The following PLXDC1 variants were observed in gnomAD, a reference collection of about 807,000 sequenced individuals.
PLXDC1 encodes plexin domain containing 1.
In PLXDC1, 39 loss-of-function variants were observed where a neutral mutation model predicts 61.3. The observed-to-expected ratio is 0.64, with a 90% confidence interval of 0.49 to 0.83. The LOEUF is 0.83. Ranked by LOEUF, PLXDC1 falls within the 40% of genes least tolerant of loss-of-function variation. PLXDC1 has a pLI of 0.00. For synonymous variants in PLXDC1, 212 were observed against 254.5 expected (o/e 0.83, Z 1.59); for missense variants, 596 against 666.5 (o/e 0.89, Z 1.17).
At chr17:39,083,364 C>G (rs538014573) in intron 9 of PLXDC1, 95 bp downstream of exon 9, 1 of 887,726 alleles carries the variant, frequency 1.1e-6, no homozygotes, top group South Asian at 1.4e-5. Context: ...CTCATGTTGG[C>G]TGACTGTGGG....
chr17:39,148,793 GTCTAAAGCTATCCTCCC>G (rs1321461042), intron 1 of PLXDC1, among the ~76,000 whole-genome samples: 4 of 152,086 alleles, frequency 2.6e-5, no homozygotes, highest in African/African-American at 9.6e-5. Flanking sequence ...CAAACTCCTG[GTCTAAAGCTATCCTCCC>G]ACCTCAGCCT....
intron 7 of PLXDC1, among the ~76,000 whole-genome samples, chr17:39,098,503 G>A (rs969804046): frequency 6.6e-6 from 1 of 152,178 alleles, no homozygotes; most frequent in South Asian, 2.1e-4. Context: ...TGCCCACTGG[G>A]CTCACTGCTG....
At chr17:39,089,758 G>C (rs946393424) in intron 7 of PLXDC1, among the ~76,000 whole-genome samples, 61 of 152,146 alleles carry the variant, frequency 4.0e-4, no homozygotes, top group African/African-American at 1.4e-3. Flanking sequence ...CCTATGTAAG[G>C]AACCTAGAGG....
At chr17:39,114,211 C>A (rs947743961) in intron 2 of PLXDC1, among the ~76,000 whole-genome samples, 1 of 152,134 alleles carries the variant, frequency 6.6e-6, no homozygotes, top group Non-Finnish European at 1.5e-5. Context: ...CTCTGTTAAA[C>A]GGAAACACAA....
At chr17:39,131,402 G>A (rs145929428) in intron 2 of PLXDC1, among the ~76,000 whole-genome samples, 1,621 of 151,514 alleles carry the variant, frequency 0.011, 28 homozygotes, top group African/African-American at 0.037. Context: ...CGCCCAGGCT[G>A]GAGTGCAGTG....
At chr17:39,103,876 T>C (rs73983205) in intron 7 of PLXDC1, among the ~76,000 whole-genome samples, 3,135 of 148,622 alleles carry the variant, frequency 0.021, 119 homozygotes, top group African/African-American at 0.074. Context: ...TAGTAATTCA[T>C]GGAAATGGCA....
intron 11 of PLXDC1, among the ~76,000 whole-genome samples, chr17:39,076,077 GA>G (rs71352340): frequency 0.21 from 17,573 of 82,110 alleles, 1,273 homozygotes; most frequent in Middle Eastern, 0.28. Flanking sequence ...GACTAAGTCT[GA>G]AAAAAAAAAA....
intron 2 of PLXDC1, among the ~76,000 whole-genome samples, chr17:39,133,499 C>T (rs553478070): frequency 3.9e-5 from 6 of 152,272 alleles, no homozygotes; most frequent in South Asian, 4.2e-4. Context: ...ACTAGGATGT[C>T]GAAAACCCTA....
intron 4 of PLXDC1, 198 bp downstream of exon 4, chr17:39,108,706 A>G: frequency 1.7e-6 from 1 of 601,978 alleles, no homozygotes; most frequent in Non-Finnish European, 3.0e-6. Context: ...GTGCAGGCAC[A>G]TGAGCAGGTC....
chr17:39,123,241 A>T (rs1911219863), intron 2 of PLXDC1, among the ~76,000 whole-genome samples: 1 of 152,026 alleles, frequency 6.6e-6, no homozygotes, highest in African/African-American at 2.4e-5. Flanking sequence ...CCCAGGCTGG[A>T]GTGCAATAGC....
At chr17:39,089,705 G>A (rs1909876155) in intron 7 of PLXDC1, among the ~76,000 whole-genome samples, 1 of 152,164 alleles carries the variant, frequency 6.6e-6, no homozygotes, top group Admixed American at 6.5e-5. Flanking sequence ...CAAAGGGGTG[G>A]GCGTCCCGTG....
intron 8 of PLXDC1, 83 bp from the exon 9 acceptor site, chr17:39,083,623 A>G (rs1266668237): frequency 1.6e-5 from 17 of 1,047,764 alleles, no homozygotes; most frequent in Admixed American, 5.9e-5. Flanking sequence ...CCTGGTATTT[A>G]CAGAACTATG....
Position 39,140,585 on chromosome 17 carries a change from G to A in PLXDC1, c.77-753C>T, listed in dbSNP as rs1597661208. On this transcript the variant is annotated intron_variant, in intron 1 of 13. Coordinates refer to ENST00000315392, the MANE Select transcript of PLXDC1 (RefSeq NM_020405.5). The stretch of plus-strand genomic sequence containing the variant: ...CTCCCAAAGTGCTGGGATTACAGGC[G>A]TGAGCCACCGCGCCTAGCCTCGATT... Among the ~76,000 whole-genome samples, 5 of 152,334 alleles carry A rather than the reference G, an allele frequency of 3.3e-5. No homozygotes were observed. In the South Asian group the frequency reaches 1.0e-3, roughly 32 times the overall value.
chr17:39,094,248 C>T (rs987975994), intron 7 of PLXDC1, among the ~76,000 whole-genome samples: 2 of 152,108 alleles, frequency 1.3e-5, no homozygotes, highest in Non-Finnish European at 2.9e-5. Context: ...GACTTTCACA[C>T]ACCATCCCCA....
At chr17:39,121,589 G>A (rs1036129897) in intron 2 of PLXDC1, among the ~76,000 whole-genome samples, 4 of 152,070 alleles carry the variant, frequency 2.6e-5, no homozygotes, top group East Asian at 1.9e-4. Flanking sequence ...CCCTTATCAC[G>A]CTGCCACCCA....
At chr17:39,100,289 G>C (rs1910376626) in intron 7 of PLXDC1, among the ~76,000 whole-genome samples, 2 of 152,138 alleles carry the variant, frequency 1.3e-5, no homozygotes, top group African/African-American at 4.8e-5. Flanking sequence ...GTGAAATCGT[G>C]AGTGAGTGGT....
chr17:39,141,678 G>T (rs1911938768), intron 1 of PLXDC1, among the ~76,000 whole-genome samples: 1 of 152,140 alleles, frequency 6.6e-6, no homozygotes, highest in Non-Finnish European at 1.5e-5. Flanking sequence ...GGATTGTATG[G>T]TAATTCTATT....
intron 2 of PLXDC1, among the ~76,000 whole-genome samples, chr17:39,128,052 TC>T: frequency 1.1e-5 from 1 of 88,912 alleles, no homozygotes; most frequent in Non-Finnish European, 2.2e-5. Context: ...CAGCTCTCTC[TC>T]TCTCTCTCTC....
At chr17:39,100,068 T>C (rs1247907052) in intron 7 of PLXDC1, among the ~76,000 whole-genome samples, 4 of 152,156 alleles carry the variant, frequency 2.6e-5, no homozygotes, top group Admixed American at 1.3e-4. Context: ...CCAGCTGCCA[T>C]ATCATGGGGA....
Sources: gnomAD v4.1 joint callset for allele counts (sites outside exome capture counted in the v4.1 genomes callset) on GRCh38, gnomAD v4.1.1 for gene constraint, MANE v1.5 for transcripts, NCBI Gene and HGNC (gene_info 2026-07-23, HGNC 2026-07-21) for gene names.